Variants in KIF13B observed in about 807,000 individuals in gnomAD.
KIF13B encodes kinesin-like protein KIF13B.
In KIF13B, 127 loss-of-function variants were observed where a neutral mutation model predicts 222.0. The observed-to-expected ratio is 0.57, with a 90% CI of 0.50 to 0.66. The LOEUF (loss-of-function observed/expected upper bound fraction) is 0.66, where lower values mean the gene tolerates loss of function less well. Among genes scored for constraint, KIF13B ranks in the 30% least tolerant of loss-of-function variants. The pLI, the probability that KIF13B is intolerant of heterozygous loss-of-function variation, is 0.00. For synonymous variants in KIF13B, 976 were observed against 919.0 expected (o/e 1.06, Z -1.12); for missense variants, 2,173 against 2,379.0 (o/e 0.91, Z 1.80).
intron 22 of KIF13B, among the ~76,000 whole-genome samples, chr8:29,133,406 C>T (rs576575043): frequency 7.9e-5 from 12 of 152,184 alleles, no homozygotes; most frequent in African/African-American, 2.4e-4. Context: ...TTGGCCAACA[C>T]GGTGAAACCT....
chr8:29,074,928 C>T (rs972220229), intron 38 of KIF13B, among the ~76,000 whole-genome samples: 7 of 152,180 alleles, frequency 4.6e-5, no homozygotes, highest in South Asian at 2.1e-4. Flanking sequence ...CGTCTTTTCA[C>T]GCTGATATCA....
At chr8:29,224,603 T>C (rs775182880) in intron 2 of KIF13B, among the ~76,000 whole-genome samples, 1 of 152,174 alleles carries the variant, frequency 6.6e-6, no homozygotes, top group Non-Finnish European at 1.5e-5. Flanking sequence ...ATCGCTAAAT[T>C]TCATTTGTAA....
chr8:29,086,979 G>C (rs1808072485), intron 37 of KIF13B, among the ~76,000 whole-genome samples: 1 of 152,228 alleles, frequency 6.6e-6, no homozygotes, highest in African/African-American at 2.4e-5. Flanking sequence ...ATTTCTTTAA[G>C]GTGCTGCTAA....
intron 8 of KIF13B, among the ~76,000 whole-genome samples, chr8:29,177,891 A>G (rs1188374971): frequency 1.3e-5 from 2 of 152,224 alleles, no homozygotes; most frequent in Admixed American, 1.3e-4. Flanking sequence ...CCTGAGCGAC[A>G]CAGTGAGACC....
chr8:29,231,683 C>T (rs1334375587), intron 2 of KIF13B, among the ~76,000 whole-genome samples: 3 of 151,912 alleles, frequency 2.0e-5, no homozygotes, highest in South Asian at 2.1e-4. Context: ...TACCATGTAC[C>T]GATTCTTATG....
At chr8:29,179,587 G>A (rs963453527) in intron 8 of KIF13B, among the ~76,000 whole-genome samples, 18 of 152,204 alleles carry the variant, frequency 1.2e-4, no homozygotes, top group African/African-American at 4.3e-4. Flanking sequence ...GGCCACCCAG[G>A]CTCAGGATAC....
intron 37 of KIF13B, among the ~76,000 whole-genome samples, chr8:29,081,513 C>T (rs929391249): frequency 4.6e-5 from 7 of 152,266 alleles, no homozygotes; most frequent in Middle Eastern, 3.4e-3. Context: ...GTATTTCCGA[C>T]GGAACTTTAG....
chr8:29,186,330 A>G lies in KIF13B; in HGVS notation c.459T>C (p.Ile153=). 6.2e-7 allele frequency: 1 copy of G among 1,612,964 alleles called. No individual in the cohort carries two copies. Among genetic ancestry groups the G allele is most frequent in the Non-Finnish European group, 8.5e-7 (1 of 1,179,590 alleles). ...SFKVEVSYME[I]YNEKVRDLLD... ...GAAGGTCTCGAACTTTTTCATTATA[A>G]ATTTCCATGTAGGACACTTCTACTT... The change falls in exon 6 of 40, where the codon ATT becomes ATC. Residue 153 remains isoleucine, a synonymous_variant. Coordinates refer to ENST00000524189, the MANE Select transcript of KIF13B (RefSeq NM_015254.4).
intron 37 of KIF13B, among the ~76,000 whole-genome samples, chr8:29,092,181 A>G (rs1275332024): frequency 6.6e-6 from 1 of 152,246 alleles, no homozygotes; most frequent in African/African-American, 2.4e-5. Context: ...TGGGGTTCCC[A>G]TTCACTATTG....
intron 2 of KIF13B, among the ~76,000 whole-genome samples, chr8:29,232,568 C>G (rs1176742178): frequency 1.3e-5 from 2 of 151,976 alleles, no homozygotes; most frequent in Non-Finnish European, 2.9e-5. Context: ...TTCTCCCTCA[C>G]AGTGACCACA....
rs184446430 is a variant in KIF13B at position 29,239,435 on chromosome 8, A to G, written c.149+5911T>C. ...GTTTAAAAGGACAAAAGAGAAACAG[A>G]AAACCTAACATTGTATGTTCTCACT... On this transcript the variant is annotated intron_variant, in intron 2 of 39. Transcript: ENST00000524189. Among the ~76,000 whole-genome samples the G allele has an allele frequency of 7.2e-4, 110 of 152,378 alleles. 3 individuals are homozygous for G. The highest frequency in any genetic ancestry group is 7.3e-5 in the Non-Finnish European group (5 of 68,042).
chr8:29,215,944 G>A (rs1814459135), intron 2 of KIF13B, among the ~76,000 whole-genome samples: 1 of 152,100 alleles, frequency 6.6e-6, no homozygotes, highest in African/African-American at 2.4e-5. Context: ...AATTTGTTTT[G>A]TGTATTCATC....
intron 13 of KIF13B, among the ~76,000 whole-genome samples, chr8:29,158,670 C>T (rs1811640347): frequency 6.6e-6 from 1 of 152,168 alleles, no homozygotes; most frequent in South Asian, 2.1e-4. Context: ...TAAAACTGTT[C>T]TTGGACTGAG....
chr8:29,140,587 G>A lies in KIF13B; in HGVS notation c.2365C>T (p.Pro789Ser), dbSNP rs868353564. 6.2e-7 allele frequency: 1 copy of A among 1,613,590 alleles called. No homozygotes were observed. Among genetic ancestry groups the A allele is most frequent in the Non-Finnish European group, 8.5e-7 (1 of 1,179,750 alleles). Reference sequence around the variant, plus strand: ...TGATTTTCCTGCTCATCATAGAATGGATCAGCACGTTTGAAGTATGATCGT... The same window carrying A: ...TGATTTTCCTGCTCATCATAGAATGAATCAGCACGTTTGAAGTATGATCGT... ...VIRSYFKRAD[P>S]FYDEQENHSL... Residue 789 changes from proline to serine, a missense_variant, in exon 20 of 40, where the codon CCA (proline) becomes TCA (serine). This residue lies in a region of KIF13B where 1,480 missense variants were observed against 1,722.8 expected (regional missense o/e 0.86). Coordinates refer to ENST00000524189, the MANE Select transcript of KIF13B (RefSeq NM_015254.4).
At chr8:29,100,320 A>G (rs964743057) in intron 35 of KIF13B, among the ~76,000 whole-genome samples, 1 of 152,220 alleles carries the variant, frequency 6.6e-6, no homozygotes, top group East Asian at 1.9e-4. Flanking sequence ...ACTAAAACTG[A>G]TAAGAGATGA....
intron 38 of KIF13B, among the ~76,000 whole-genome samples, chr8:29,074,643 C>T (rs978805803): frequency 3.3e-5 from 5 of 152,240 alleles, no homozygotes; most frequent in African/African-American, 4.8e-5. Flanking sequence ...GGGGGCACCC[C>T]GATCCCGGCC....
intron 16 of KIF13B, 56 bp downstream of exon 16, chr8:29,148,521 C>T: frequency 2.2e-6 from 3 of 1,347,534 alleles, no homozygotes; most frequent in South Asian, 3.1e-5. Context: ...GCGATCTCCC[C>T]ACCTCAGCCT....
intron 37 of KIF13B, among the ~76,000 whole-genome samples, chr8:29,084,319 A>G (rs1341793906): frequency 1.3e-5 from 2 of 152,230 alleles, no homozygotes; most frequent in African/African-American, 4.8e-5. Flanking sequence ...TCAAAACATC[A>G]TCCTTGTGTA....
chr8:29,143,761 G>A (rs926491907), intron 18 of KIF13B, among the ~76,000 whole-genome samples: 3 of 151,924 alleles, frequency 2.0e-5, no homozygotes, highest in Non-Finnish European at 2.9e-5. Flanking sequence ...CAGAAGAATC[G>A]CTTGAACCCA....
Sources: gnomAD v4.1 joint callset for allele counts (sites outside exome capture counted in the v4.1 genomes callset) on GRCh38, gnomAD v4.1.1 for gene constraint, gnomAD v4.1.1 regional missense constraint, MANE v1.5 for transcripts, NCBI Gene and HGNC (gene_info 2026-07-23, HGNC 2026-07-21) for gene names.